USH2A: variants seen among roughly 807,000 people sequenced by gnomAD.
USH2A encodes Usher syndrome 2A (autosomal recessive, mild).
Under a neutral mutation model 538.9 loss-of-function variants are expected in USH2A, and 443 were observed. The ratio of observed to expected loss-of-function variants is 0.82; its 90% CI spans 0.76 to 0.89. USH2A has a LOEUF of 0.89. Ranked by LOEUF, USH2A falls within the 40% of genes least tolerant of loss-of-function variation. The probability of loss-of-function intolerance (pLI) is 0.00; values close to 1 mark genes in which losing one functional copy is unlikely to be tolerated. For synonymous variants in USH2A, 2,413 were observed against 2,273.5 expected (o/e 1.06, Z -1.75); for missense variants, 6,633 against 6,324.8 (o/e 1.05, Z -1.65).
rs144310457 is a variant in USH2A, at chr1:216,282,155, T to C, written c.1971+7125A>G. On this transcript the variant is annotated intron_variant, in intron 11 of 71. Transcript: ENST00000307340. ...ATTTTCTTCATTATTACAGATTTAT[T>C]ATATACTTTGCAACTAATTCTTTGG... Among the ~76,000 whole-genome samples the C allele has an allele frequency of 5.0e-3, 754 of 152,294 alleles. 7 individuals are homozygous for C. The highest frequency in any genetic ancestry group is 0.018 in the African/African-American group (735 of 41,576).
intron 11 of USH2A, among the ~76,000 whole-genome samples, chr1:216,260,403 A>C (rs1266462613): frequency 6.6e-6 from 1 of 152,154 alleles, no homozygotes; most frequent in Non-Finnish European, 1.5e-5. Context: ...GGACACACAC[A>C]GGTCTAAAGT....
At chr1:216,330,666 C>T (rs2037841731) in intron 4 of USH2A, among the ~76,000 whole-genome samples, 2 of 151,916 alleles carry the variant, frequency 1.3e-5, no homozygotes, top group Non-Finnish European at 2.9e-5. Context: ...GTCTAATAGC[C>T]TACTGTAAGA....
At chr1:215,824,995 T>C (rs749258961) in intron 47 of USH2A, among the ~76,000 whole-genome samples, 1 of 152,152 alleles carries the variant, frequency 6.6e-6, no homozygotes, top group Non-Finnish European at 1.5e-5. Flanking sequence ...TCTGTACATT[T>C]GTTTCTGTTT....
At chr1:215,903,369 T>C (rs964955812) in intron 38 of USH2A, among the ~76,000 whole-genome samples, 3 of 152,092 alleles carry the variant, frequency 2.0e-5, no homozygotes, top group Non-Finnish European at 4.4e-5. Flanking sequence ...GGGAATTTAT[T>C]CTAAAAGGGA....
At chr1:215,807,577 G>A (rs994972398) in intron 49 of USH2A, among the ~76,000 whole-genome samples, 6 of 152,078 alleles carry the variant, frequency 3.9e-5, no homozygotes, top group African/African-American at 9.7e-5. Flanking sequence ...GTGACATTTT[G>A]CAAAATGGAA....
chr1:215,870,294 T>TA (rs994798235), intron 43 of USH2A, among the ~76,000 whole-genome samples: 38 of 151,414 alleles, frequency 2.5e-4, no homozygotes, highest in African/African-American at 8.5e-4. Flanking sequence ...TTTATTTTTT[T>TA]TTTATTTATT....
intron 38 of USH2A, among the ~76,000 whole-genome samples, chr1:215,912,453 G>GTGTGTA (rs1314401856): frequency 2.3e-5 from 1 of 42,980 alleles, no homozygotes; most frequent in Non-Finnish European, 4.5e-5. Context: ...GTAGGTATGT[G>GTGTGTA]TATATATATA....
At chr1:215,690,963 AACCTCC>A (rs1658582049) in intron 61 of USH2A, among the ~76,000 whole-genome samples, 1 of 151,978 alleles carries the variant, frequency 6.6e-6, no homozygotes, top group Non-Finnish European at 1.5e-5. Flanking sequence ...GGCTCACTGC[AACCTCC>A]ACCTCCCAGG....
chr1:215,846,888 A>G (rs933927501), intron 44 of USH2A, among the ~76,000 whole-genome samples: 3 of 152,200 alleles, frequency 2.0e-5, no homozygotes, highest in African/African-American at 7.2e-5. Context: ...TTTTATATAC[A>G]TTGTCAATGT....
chr1:216,207,399 C>A lies in USH2A; in HGVS notation c.3190G>T (p.Val1064Phe). Residue 1064 changes from valine (V) to phenylalanine (F), a missense_variant, in exon 16 of 72, where the codon GTT becomes TTT. By Grantham distance (50) the Val-to-Phe change is conservative (BLOSUM62 -1). Transcript: ENST00000307340. ...AGATTGATAGCAGAAGAACTTTGAA[C>A]TTGTCCTCTGGGCGGAGGTTGCTGG... The part of the protein sequence containing the change: ...PFQQPPPRGQ[V>F]QSSSAINLSW... The A allele has an allele frequency of 6.2e-7, 1 of 1,613,992 alleles. No homozygotes were observed. Among genetic ancestry groups the A allele is most frequent in the Non-Finnish European group, 8.5e-7 (1 of 1,179,932 alleles).
At chr1:216,183,260 T>C (rs1005786731) in intron 20 of USH2A, among the ~76,000 whole-genome samples, 19 of 151,932 alleles carry the variant, frequency 1.3e-4, no homozygotes, top group Non-Finnish European at 2.6e-4. Flanking sequence ...AGGCTTGCTG[T>C]GGATCGAGTG....
chr1:216,207,653 C>T (rs1412497260), intron 15 of USH2A, among the ~76,000 whole-genome samples: 1 of 149,510 alleles, frequency 6.7e-6, no homozygotes, highest in South Asian at 2.1e-4. Context: ...AAGCAGCTGG[C>T]ATAAATATAG....
chr1:215,858,635 A>G (rs933594903), intron 44 of USH2A, among the ~76,000 whole-genome samples: 1 of 151,616 alleles, frequency 6.6e-6, no homozygotes, highest in Admixed American at 6.6e-5. Flanking sequence ...TAGCAATGTG[A>G]GAACAGACTA....
rs58492120 is a variant in USH2A, at chr1:216,390,209, A to T, written c.652-25124T>A. Among the ~76,000 whole-genome samples the T allele has an allele frequency of 9.6e-3, 1,465 of 152,302 alleles. 23 individuals are homozygous for T. The highest frequency in any genetic ancestry group is 0.034 in the African/African-American group (1,407 of 41,576). On this transcript the variant is annotated intron_variant, in intron 3 of 71. Transcript: ENST00000307340. ...AGGAAAACGTGTTTGCTTTAAAATCATGATTTCCAAGCTAGGTTTAGGCTG... is the reference window on the plus strand; with the variant it reads ...AGGAAAACGTGTTTGCTTTAAAATCTTGATTTCCAAGCTAGGTTTAGGCTG...
intron 11 of USH2A, among the ~76,000 whole-genome samples, chr1:216,281,865 G>GTTTTTTTTTTTTTTT (rs766030449): frequency 2.1e-5 from 2 of 96,474 alleles, no homozygotes; most frequent in Non-Finnish European, 3.9e-5. Flanking sequence ...GTTTTTGTCT[G>GTTTTTTTTTTTTTTT]TTTTTTTTTT....
At chr1:216,154,206 G>C (rs1428953994) in intron 21 of USH2A, among the ~76,000 whole-genome samples, 1 of 151,956 alleles carries the variant, frequency 6.6e-6, no homozygotes, top group Non-Finnish European at 1.5e-5. Context: ...GAGATCAAAA[G>C]AAACCCTATT....
chr1:216,041,214 G>A (rs770106815), intron 32 of USH2A, among the ~76,000 whole-genome samples: 2 of 151,970 alleles, frequency 1.3e-5, no homozygotes, highest in Non-Finnish European at 2.9e-5. Context: ...CAGCCTTCGG[G>A]AGGTTCTCTA....
At chr1:216,000,099 C>G (rs1164823984) in intron 33 of USH2A, among the ~76,000 whole-genome samples, 1 of 152,040 alleles carries the variant, frequency 6.6e-6, no homozygotes, top group African/African-American at 2.4e-5. Context: ...TTTCTAATTC[C>G]AAATTATTAC....
intron 13 of USH2A, among the ~76,000 whole-genome samples, chr1:216,234,432 T>C (rs2035767018): frequency 1.3e-5 from 2 of 152,186 alleles, no homozygotes; most frequent in Admixed American, 1.3e-4. Context: ...ATTTCCCTTA[T>C]ATATACATAT....
Sources: allele counts gnomAD v4.1 joint callset (sites outside exome capture counted in the v4.1 genomes callset), GRCh38; gene constraint gnomAD v4.1.1; transcripts MANE v1.5; gene names NCBI Gene and HGNC (gene_info 2026-07-23, HGNC 2026-07-21).